Variants in SLCO1C1 observed in about 807,000 individuals in gnomAD.
The protein encoded by SLCO1C1 is OAT-RP-5.
In SLCO1C1, 70 loss-of-function variants were observed where a neutral mutation model predicts 76.4. That is an observed-to-expected ratio of 0.92 (90% confidence interval 0.76 to 1.12). SLCO1C1 has a LOEUF of 1.12. Ranked by LOEUF, SLCO1C1 falls within the 50% of genes most tolerant of loss-of-function variation. SLCO1C1 has a pLI of 0.00. For synonymous variants in SLCO1C1, 306 were observed against 286.1 expected (o/e 1.07, Z -0.70); for missense variants, 912 against 823.8 (o/e 1.11, Z -1.31).
chr12:20,743,102 T>C (rs1948894705), intron 12 of SLCO1C1, among the ~76,000 whole-genome samples: 2 of 152,198 alleles, frequency 1.3e-5, no homozygotes, highest in South Asian at 4.1e-4. Flanking sequence ...AAATATTAAT[T>C]ATAAACTTCT....
At chr12:20,708,744 A>G (rs1230265953) in intron 4 of SLCO1C1, among the ~76,000 whole-genome samples, 2 of 152,256 alleles carry the variant, frequency 1.3e-5, no homozygotes, top group East Asian at 3.9e-4. Context: ...CAGAAGATGA[A>G]TGCTGAGAAG....
chr12:20,717,276 A>G, intron 7 of SLCO1C1, 46 bp downstream of exon 7: 1 of 1,441,162 alleles, frequency 6.9e-7, no homozygotes. Flanking sequence ...TAGTCACTGT[A>G]ACATTTTTAA....
chr12:20,706,001 G>A lies in SLCO1C1; in HGVS notation c.324G>A (p.Arg108=), dbSNP rs756285912. Residue 108 remains arginine, a synonymous_variant, in exon 4 of 15, where the codon AGG becomes AGA. Coordinates refer to ENST00000266509, the MANE Select transcript of SLCO1C1 (RefSeq NM_017435.5). ...FVSYFGAKLH[R]PKIIGAGCVI... ...GCTACTTTGGAGCCAAACTTCACAGGCCAAAAATAATTGGAGCAGGGTGTG... is the reference window on the plus strand; with the variant it reads ...GCTACTTTGGAGCCAAACTTCACAGACCAAAAATAATTGGAGCAGGGTGTG... 1 of 1,613,398 alleles carries A rather than the reference G, an allele frequency of 6.2e-7. No homozygotes were observed. Among genetic ancestry groups the A allele is most frequent in the East Asian group, 2.2e-5 (1 of 44,828 alleles).
rs1324358432 is a variant in SLCO1C1 at position 20,740,775 on chromosome 12, AAT to A, written c.1733+408_1733+409del. ...GGCTCATCTAATACAACAATGTTAG[AAT>A]TTATTTTATTTATATATATATATAT... is the stretch of plus-strand genomic sequence containing the variant. On this transcript the variant is annotated intron_variant, in intron 12 of 14. Coordinates refer to ENST00000266509, the MANE Select transcript of SLCO1C1 (RefSeq NM_017435.5). 8.7e-5 allele frequency among the ~76,000 whole-genome samples: 9 copies of A among 103,660 alleles called. No homozygotes were observed. In the South Asian group the frequency reaches 1.0e-3, roughly 12 times the overall value. The allele number at this position is 103,660 out of a possible 152,430, so 68.0% of individuals were successfully genotyped here.
chr12:20,721,892 A>C lies in SLCO1C1; in HGVS notation c.864A>C (p.Ala288=). Reference sequence around the variant, plus strand: ...TAGCAGGAATCATAAGTCTTCTTGCAGCTGTGCCTTTCTGGTATTTACCAA... The same window carrying C: ...TAGCAGGAATCATAAGTCTTCTTGCCGCTGTGCCTTTCTGGTATTTACCAA... ...YLIAGIISLL[A]AVPFWYLPKS... Residue 288 remains alanine, a synonymous_variant, in exon 8 of 15, where the codon GCA becomes GCC. Transcript: ENST00000266509. 6.2e-7 allele frequency: 1 copy of C among 1,614,178 alleles called. No homozygotes were observed.
chr12:20,717,586 G>T (rs1184809104), intron 7 of SLCO1C1, among the ~76,000 whole-genome samples: 1 of 128,956 alleles, frequency 7.8e-6, no homozygotes, highest in African/African-American at 2.8e-5. Context: ...AATTGATAAT[G>T]TATTTGGGGA....
chr12:20,714,100 G>A (rs1592249429), intron 5 of SLCO1C1, among the ~76,000 whole-genome samples: 1 of 152,212 alleles, frequency 6.6e-6, no homozygotes, highest in African/African-American at 2.4e-5. Context: ...ATCCACGTGA[G>A]TGCAAAGGAG....
chr12:20,721,110 A>G (rs1249744979), intron 7 of SLCO1C1, among the ~76,000 whole-genome samples: 2 of 152,150 alleles, frequency 1.3e-5, no homozygotes, highest in Non-Finnish European at 2.9e-5. Flanking sequence ...TGCTGTGAAC[A>G]TTACTGAAAT....
chr12:20,745,834 G>GA (rs1283216833), intron 13 of SLCO1C1, among the ~76,000 whole-genome samples: 527 of 137,948 alleles, frequency 3.8e-3, no homozygotes, highest in African/African-American at 7.0e-3. Flanking sequence ...AATAAAAAAA[G>GA]AAAAAAAAAA....
intron 11 of SLCO1C1, among the ~76,000 whole-genome samples, chr12:20,739,385 GTTGTTTTTTT>G (rs1184502802): frequency 1.3e-5 from 2 of 151,348 alleles, no homozygotes; most frequent in African/African-American, 2.4e-5. Flanking sequence ...AGAGATGGGA[GTTGTTTTTTT>G]TTGTTTTTTT....
At chr12:20,735,705 C>T (rs1277825312) in intron 10 of SLCO1C1, among the ~76,000 whole-genome samples, 1 of 152,102 alleles carries the variant, frequency 6.6e-6, no homozygotes, top group East Asian at 1.9e-4. Flanking sequence ...CATACCAGTT[C>T]TACTAGATGA....
chr12:20,719,277 T>C (rs1947535367), intron 7 of SLCO1C1, among the ~76,000 whole-genome samples: 1 of 152,070 alleles, frequency 6.6e-6, no homozygotes, highest in South Asian at 2.1e-4. Context: ...TGACTGGCCA[T>C]TCCCCTGTCT....
intron 4 of SLCO1C1, 120 bp downstream of exon 4, chr12:20,706,201 T>C: frequency 1.6e-6 from 2 of 1,234,868 alleles, no homozygotes. Context: ...CTTACTTTTA[T>C]TACATTCTCT....
chr12:20,748,203 T>C (rs973420497), intron 13 of SLCO1C1, among the ~76,000 whole-genome samples: 2 of 152,202 alleles, frequency 1.3e-5, no homozygotes, highest in Admixed American at 6.5e-5. Flanking sequence ...AAAATCTTTT[T>C]TAATCCATAG....
At chr12:20,741,859 T>G (rs1948832286) in intron 12 of SLCO1C1, among the ~76,000 whole-genome samples, 1 of 152,144 alleles carries the variant, frequency 6.6e-6, no homozygotes, top group Non-Finnish European at 1.5e-5. Flanking sequence ...AAAGTCAACA[T>G]TTACTAGAAA....
intron 12 of SLCO1C1, among the ~76,000 whole-genome samples, chr12:20,740,795 A>ATATATATATATG (rs1948776970): frequency 8.4e-6 from 1 of 119,320 alleles, no homozygotes; most frequent in African/African-American, 3.0e-5. Context: ...ATTTATATAT[A>ATATATATATATG]TATATATATA....
At chr12:20,707,477 A>G (rs1335142115) in intron 4 of SLCO1C1, among the ~76,000 whole-genome samples, 2 of 152,116 alleles carry the variant, frequency 1.3e-5, no homozygotes, top group African/African-American at 4.8e-5. Flanking sequence ...CACCAGACTT[A>G]AATCACTCTG....
chr12:20,721,823 A>G lies in SLCO1C1; in HGVS notation c.795A>G (p.Pro265=). The change falls in exon 8 of 15, where the codon CCA becomes CCG. Residue 265 remains proline, a synonymous_variant. Coordinates refer to ENST00000266509, the MANE Select transcript of SLCO1C1 (RefSeq NM_017435.5). ...TTTCAGATCACATAACCATTACCCC[A>G]AAAGATCCCCAGTGGGTAGGAGCCT... ...FVNLDHITIT[P]KDPQWVGAWW... 1 of 1,614,120 alleles carries G rather than the reference A, an allele frequency of 6.2e-7. No homozygotes were observed. Among genetic ancestry groups the G allele is most frequent in the East Asian group, 2.2e-5 (1 of 44,872 alleles).
chr12:20,717,331 T>C (rs2417862), intron 7 of SLCO1C1, 101 bp downstream of exon 7: 212,970 of 868,622 alleles, frequency 0.25, 28,739 homozygotes, highest in Non-Finnish European at 0.27. Flanking sequence ...TATAAAATGA[T>C]GGAGTTGTAA....
Sources: allele counts gnomAD v4.1 joint callset (sites outside exome capture counted in the v4.1 genomes callset), GRCh38; gene constraint gnomAD v4.1.1; transcripts MANE v1.5; gene names NCBI Gene and HGNC (gene_info 2026-07-23, HGNC 2026-07-21).